Variants in CNTNAP2 observed in about 807,000 individuals in gnomAD.
The protein encoded by CNTNAP2 is contactin associated protein 2.
Under a neutral mutation model 155.2 loss-of-function variants are expected in CNTNAP2, and 98 were observed. The ratio of observed to expected loss-of-function variants is 0.63; its 90% CI spans 0.54 to 0.75. CNTNAP2 has a LOEUF of 0.75. CNTNAP2 is among the 30% of genes least tolerant of loss of function. The probability of loss-of-function intolerance (pLI) is 0.00; values close to 1 mark genes in which losing one functional copy is unlikely to be tolerated. For missense variants in CNTNAP2, 1,727 were observed against 1,688.1 expected (o/e 1.02, Z -0.40); for synonymous variants, 651 against 631.2 (o/e 1.03, Z -0.47).
intron 1 of CNTNAP2, among the ~76,000 whole-genome samples, chr7:146,759,439 A>G: frequency 1.3e-5 from 2 of 152,170 alleles, no homozygotes; most frequent in Non-Finnish European, 2.9e-5. Context: ...TCACGCCTGT[A>G]ATCCCAACAC....
chr7:146,731,480 A>G (rs921981774), intron 1 of CNTNAP2, among the ~76,000 whole-genome samples: 11 of 151,784 alleles, frequency 7.2e-5, no homozygotes, highest in African/African-American at 2.7e-4. Context: ...TCAATGTTTA[A>G]TGAACATTTA....
At chr7:147,114,803 A>G (rs1334814524) in intron 5 of CNTNAP2, among the ~76,000 whole-genome samples, 2 of 152,088 alleles carry the variant, frequency 1.3e-5, no homozygotes, top group Non-Finnish European at 2.9e-5. Context: ...CATTTAACCC[A>G]TTTACATTTA....
At chr7:147,763,184 G>A (rs752929316) in intron 13 of CNTNAP2, among the ~76,000 whole-genome samples, 4 of 151,650 alleles carry the variant, frequency 2.6e-5, no homozygotes, top group South Asian at 4.2e-4. Flanking sequence ...ACTTGAACCC[G>A]GGAGGCGGAG....
intron 3 of CNTNAP2, among the ~76,000 whole-genome samples, chr7:147,005,585 CAAAG>C (rs1798510512): frequency 6.6e-6 from 1 of 151,902 alleles, no homozygotes; most frequent in Admixed American, 6.6e-5. Context: ...TCAACTGAAA[CAAAG>C]AAAGAAGGAT....
intron 3 of CNTNAP2, among the ~76,000 whole-genome samples, chr7:146,957,043 G>A (rs1005704281): frequency 2.6e-5 from 4 of 152,048 alleles, no homozygotes; most frequent in African/African-American, 9.7e-5. Context: ...CTGAACAACC[G>A]GGGTATGTTC....
At chr7:147,881,532 G>T (rs1381631394) in intron 13 of CNTNAP2, among the ~76,000 whole-genome samples, 3 of 152,176 alleles carry the variant, frequency 2.0e-5, no homozygotes, top group Non-Finnish European at 4.4e-5. Flanking sequence ...CTAGAAAGAA[G>T]CTGACATTTA....
chr7:146,444,911 C>A (rs1796380205), intron 1 of CNTNAP2, among the ~76,000 whole-genome samples: 1 of 152,040 alleles, frequency 6.6e-6, no homozygotes, highest in Non-Finnish European at 1.5e-5. Flanking sequence ...CCCGCCTCGG[C>A]CTCCCAAAAT....
chr7:148,353,505 C>G (rs1401960456), intron 21 of CNTNAP2, among the ~76,000 whole-genome samples: 1 of 152,178 alleles, frequency 6.6e-6, no homozygotes, highest in Non-Finnish European at 1.5e-5. Flanking sequence ...TTATCATTGT[C>G]TGATTGGATT....
chr7:147,535,695 C>G (rs1799526558), intron 11 of CNTNAP2, among the ~76,000 whole-genome samples: 1 of 152,110 alleles, frequency 6.6e-6, no homozygotes. Flanking sequence ...CTGTGTAGGA[C>G]TTTCTCCCCA....
rs2116757281 is a variant in CNTNAP2 at position 148,217,400 on chromosome 7, C to T, written c.3123C>T (p.Asn1041=). 14 of 1,614,170 alleles carry T rather than the reference C, an allele frequency of 8.7e-6. No homozygotes were observed. The highest frequency in any genetic ancestry group is 1.2e-5 in the Non-Finnish European group (14 of 1,180,038). Residue 1041 remains asparagine (N), a synonymous_variant, in exon 19 of 24, where the codon AAC becomes AAT. Coordinates refer to ENST00000361727, the MANE Select transcript of CNTNAP2 (RefSeq NM_014141.6). The stretch of plus-strand genomic sequence containing the variant: ...TAGACAACGCTCCCGACCAGCAGAA[C>T]TCCCACCCGGACCTGGCACAGGAGG... ...SRVDNAPDQQ[N]SHPDLAQEEI...
chr7:148,100,631 C>T (rs1013124786), intron 15 of CNTNAP2, among the ~76,000 whole-genome samples: 2 of 152,146 alleles, frequency 1.3e-5, no homozygotes, highest in Non-Finnish European at 1.5e-5. Flanking sequence ...ATACAATGGA[C>T]AATTTACATA....
rs578119679 is a variant in CNTNAP2, at chr7:147,851,418, C to T, written c.2099-52147C>T. ...ACCATTTGACCCAGCCATCCCATTACTGGGTATATACCCAAAGGATTATAA... is the reference window on the plus strand; with the variant it reads ...ACCATTTGACCCAGCCATCCCATTATTGGGTATATACCCAAAGGATTATAA... On this transcript the variant is annotated intron_variant, in intron 13 of 23. Coordinates refer to ENST00000361727, the MANE Select transcript of CNTNAP2 (RefSeq NM_014141.6). Among the ~76,000 whole-genome samples the T allele has an allele frequency of 2.7e-3, 413 of 152,234 alleles. 1 individual carries two copies. Among genetic ancestry groups the T allele is most frequent in the Middle Eastern group, 0.01 (3 of 292 alleles).
intron 13 of CNTNAP2, among the ~76,000 whole-genome samples, chr7:147,851,788 A>G (rs1489144241): frequency 6.6e-6 from 1 of 151,750 alleles, no homozygotes. Flanking sequence ...GAAGGATAGC[A>G]TTAGGAGATA....
At chr7:146,468,100 A>G (rs1796741464) in intron 1 of CNTNAP2, among the ~76,000 whole-genome samples, 1 of 152,194 alleles carries the variant, frequency 6.6e-6, no homozygotes, top group African/African-American at 2.4e-5. Flanking sequence ...GGTGCAAAAG[A>G]AAGCATAATA....
intron 8 of CNTNAP2, among the ~76,000 whole-genome samples, chr7:147,142,320 T>C (rs1375358391): frequency 6.6e-6 from 1 of 152,174 alleles, no homozygotes; most frequent in Non-Finnish European, 1.5e-5. Context: ...TTTCTGCATC[T>C]ATTGAGATAA....
At chr7:148,041,915 C>A (rs1031622561) in intron 15 of CNTNAP2, among the ~76,000 whole-genome samples, 1 of 152,148 alleles carries the variant, frequency 6.6e-6, no homozygotes, top group South Asian at 2.1e-4. Flanking sequence ...ACTTGAGAAA[C>A]TCTTCTGTAC....
chr7:146,731,599 C>A (rs1168993654), intron 1 of CNTNAP2, among the ~76,000 whole-genome samples: 1 of 151,972 alleles, frequency 6.6e-6, no homozygotes, highest in African/African-American at 2.4e-5. Context: ...TGATACAACT[C>A]ACAATATCAG....
At chr7:146,443,112 G>A (rs2129120116) in intron 1 of CNTNAP2, among the ~76,000 whole-genome samples, 1 of 152,006 alleles carries the variant, frequency 6.6e-6, no homozygotes, top group Admixed American at 6.6e-5. Context: ...TACTAGGGAG[G>A]CTGAGGCAGG....
chr7:146,947,902 T>A (rs974772618), intron 3 of CNTNAP2, among the ~76,000 whole-genome samples: 2 of 151,984 alleles, frequency 1.3e-5, no homozygotes, highest in African/African-American at 4.8e-5. Context: ...GCAGAATTTG[T>A]TTCAGCAACA....
Sources: gnomAD v4.1 joint callset for allele counts (sites outside exome capture counted in the v4.1 genomes callset) on GRCh38, gnomAD v4.1.1 for gene constraint, MANE v1.5 for transcripts, NCBI Gene and HGNC (gene_info 2026-07-23, HGNC 2026-07-21) for gene names.